PPP1R12B: variants seen among roughly 807,000 people sequenced by gnomAD.
PPP1R12B encodes protein phosphatase 1 regulatory subunit 12B.
In PPP1R12B, 76 loss-of-function variants were observed where a neutral mutation model predicts 126.1. That is an observed-to-expected ratio of 0.60 (90% CI 0.50 to 0.73). The LOEUF is 0.73. Among genes scored for constraint, PPP1R12B ranks in the 30% least tolerant of loss-of-function variants. PPP1R12B has a pLI of 0.00. For synonymous variants in PPP1R12B, 356 were observed against 434.7 expected, an observed-to-expected ratio of 0.82 and a Z score of 2.25; for missense variants, 1,052 against 1,205.1, an observed-to-expected ratio of 0.87 and a Z score of 1.88.
rs1397526034 is a variant in PPP1R12B at position 202,458,358 on chromosome 1, T to C, written c.1850+9187T>C. On this transcript the variant is annotated intron_variant, in intron 13 of 23. Coordinates refer to ENST00000608999, the MANE Select transcript of PPP1R12B (RefSeq NM_002481.4). ...TGGGGAGAGTGGGACGTGGGAGTGG[T>C]TAGGGAATTTGCAGCATTTTCCAAA... Among the ~76,000 whole-genome samples the C allele has an allele frequency of 1.8e-5, 2 of 108,422 alleles. 1 individual carries two copies. Among genetic ancestry groups the C allele is most frequent in the East Asian group, 9.1e-4 (2 of 2,208 alleles). The allele number at this position is 108,422 out of a possible 152,430, so 71.1% of individuals were successfully genotyped here. A position where few individuals can be genotyped will look rare whatever the true frequency, so the allele number is the denominator to read the frequency against.
At chr1:202,394,834 C>A (rs1368270073) in intron 1 of PPP1R12B, among the ~76,000 whole-genome samples, 6 of 151,732 alleles carry the variant, frequency 4.0e-5, no homozygotes, top group African/African-American at 1.5e-4. Context: ...AAAAGAAAAT[C>A]AATTTGGGCT....
rs373073877 is a variant in PPP1R12B, at chr1:202,427,002, A to G, written c.702-38A>G. 108 of 1,598,860 alleles carry G rather than the reference A, an allele frequency of 6.8e-5. No individual in the cohort carries two copies. In the African/African-American group the frequency reaches 1.3e-3, roughly 19 times the overall value. On this transcript the variant is annotated intron_variant, in intron 4 of 23. Coordinates refer to ENST00000608999, the MANE Select transcript of PPP1R12B (RefSeq NM_002481.4). Reference sequence around the variant, plus strand: ...TGTATTTGCCAGAAAATTGTAATATACAGAAGATATATGTCTTGTTTTGGG... The same window carrying G: ...TGTATTTGCCAGAAAATTGTAATATGCAGAAGATATATGTCTTGTTTTGGG...
At chr1:202,570,466 CAT>C (rs1175122886) in intron 23 of PPP1R12B, among the ~76,000 whole-genome samples, 2 of 152,176 alleles carry the variant, frequency 1.3e-5, no homozygotes, top group Admixed American at 1.3e-4. Flanking sequence ...GTAACATTCA[CAT>C]AGAATTTTAA....
chr1:202,416,959 G>C, intron 2 of PPP1R12B, 42 bp downstream of exon 2: 1 of 1,572,962 alleles, frequency 6.4e-7, no homozygotes, highest in Non-Finnish European at 8.7e-7. Flanking sequence ...GTATTTGTAG[G>C]AATAGCCTTC....
In PPP1R12B at chr1:202,500,244, TCA is replaced by T. The variant is rs1411280520; in HGVS notation, c.2490+3424_2490+3425del. The stretch of plus-strand genomic sequence containing the variant: ...CTCTCTCTCTCTCTCTCTCTCTCTC[TCA>T]CTCTCACTGTCTCTCTGTCTTTCAA... On this transcript the variant is annotated intron_variant, in intron 18 of 23. Transcript: ENST00000608999. Among the ~76,000 whole-genome samples, 3 of 149,156 alleles carry T rather than the reference TCA, an allele frequency of 2.0e-5. No homozygotes were observed. The East Asian group carries it at 5.9e-4, about 29-fold the overall frequency.
intron 1 of PPP1R12B, among the ~76,000 whole-genome samples, chr1:202,387,548 G>T: frequency 6.6e-6 from 1 of 152,072 alleles, no homozygotes; most frequent in Non-Finnish European, 1.5e-5. Flanking sequence ...TAGCTATTTG[G>T]CTACTCCTTA....
chr1:202,440,898 A>G (rs1671518142), intron 11 of PPP1R12B, 110 bp downstream of exon 11: 3 of 824,386 alleles, frequency 3.6e-6, no homozygotes, highest in Non-Finnish European at 4.0e-6. Context: ...TCCTTACCAC[A>G]TTATGAATTG....
At chr1:202,446,256 A>T (rs2362281) in intron 12 of PPP1R12B, among the ~76,000 whole-genome samples, 12,352 of 54,942 alleles carry the variant, frequency 0.22, 1,896 homozygotes, top group African/African-American at 0.42. Context: ...ATATATATAT[A>T]TTTTTTTTTT....
At position 202,405,795 on chromosome 1, in the gene PPP1R12B, T is replaced by G. The variant is rs576560643; in HGVS notation, c.292-10992T>G. ...TGCTTAGGGTTATATAACTGCTTTC[T>G]CTCGTGTCTTCTACCATGTAGTACT... On this transcript the variant is annotated intron_variant, in intron 1 of 23. Transcript: ENST00000608999. Among the ~76,000 whole-genome samples, 3 of 152,224 alleles carry G rather than the reference T, an allele frequency of 2.0e-5. No individual in the cohort carries two copies. In the East Asian group the frequency reaches 5.8e-4, roughly 29 times the overall value.
chr1:202,521,334 C>A (rs1446394753), intron 18 of PPP1R12B, among the ~76,000 whole-genome samples: 2 of 151,932 alleles, frequency 1.3e-5, no homozygotes, highest in Admixed American at 1.3e-4. Flanking sequence ...TACAAAGAAC[C>A]CAGTAAAACC....
intron 1 of PPP1R12B, among the ~76,000 whole-genome samples, chr1:202,400,663 C>A (rs1386393297): frequency 6.6e-6 from 1 of 152,162 alleles, no homozygotes; most frequent in Non-Finnish European, 1.5e-5. Context: ...TAGCTAACAG[C>A]AATATGCATG....
chr1:202,535,057 G>A (rs1464528882), intron 18 of PPP1R12B, among the ~76,000 whole-genome samples: 14 of 144,800 alleles, frequency 9.7e-5, no homozygotes, highest in African/African-American at 3.6e-4. Flanking sequence ...GTGTGTGTAT[G>A]TGTGTGTGTG....
intron 1 of PPP1R12B, among the ~76,000 whole-genome samples, chr1:202,405,380 TTACA>T (rs1666460003): frequency 1.3e-5 from 2 of 152,212 alleles, no homozygotes; most frequent in Non-Finnish European, 2.9e-5. Context: ...GTACAGGAAC[TTACA>T]TAGAGCTTAT....
At chr1:202,556,276 T>TC (rs1194908539) in intron 18 of PPP1R12B, among the ~76,000 whole-genome samples, 3 of 152,180 alleles carry the variant, frequency 2.0e-5, no homozygotes, top group African/African-American at 7.2e-5. Context: ...CACAGTTAAT[T>TC]CTTACTGTTA....
At chr1:202,544,229 G>A (rs1263464141) in intron 18 of PPP1R12B, among the ~76,000 whole-genome samples, 9 of 152,022 alleles carry the variant, frequency 5.9e-5, no homozygotes, top group Non-Finnish European at 1.3e-4. Context: ...TTTCTTCTGA[G>A]TCTTCGTAGT....
chr1:202,406,853 A>G (rs188099940), intron 1 of PPP1R12B, among the ~76,000 whole-genome samples: 38 of 152,342 alleles, frequency 2.5e-4, no homozygotes, highest in South Asian at 8.3e-4. Flanking sequence ...CTTATATTCA[A>G]GTGTCAGAGT....
At chr1:202,505,935 A>G (rs1558311815) in intron 18 of PPP1R12B, among the ~76,000 whole-genome samples, 1 of 152,136 alleles carries the variant, frequency 6.6e-6, no homozygotes, top group Non-Finnish European at 1.5e-5. Flanking sequence ...ATAACATGAT[A>G]ATGTTCATAA....
chr1:202,390,570 C>T (rs1470775145), intron 1 of PPP1R12B, among the ~76,000 whole-genome samples: 2 of 152,124 alleles, frequency 1.3e-5, no homozygotes, highest in Non-Finnish European at 2.9e-5. Flanking sequence ...GCGATCATGG[C>T]CCACTGTAAC....
At chr1:202,394,033 A>G (rs557712229) in intron 1 of PPP1R12B, among the ~76,000 whole-genome samples, 4 of 152,356 alleles carry the variant, frequency 2.6e-5, no homozygotes, top group African/African-American at 9.6e-5. Context: ...GTCCCCATTT[A>G]CGCTTTTAAA....
Sources: allele counts gnomAD v4.1 joint callset (sites outside exome capture counted in the v4.1 genomes callset), GRCh38; gene constraint gnomAD v4.1.1; transcripts MANE v1.5; gene names NCBI Gene and HGNC (gene_info 2026-07-23, HGNC 2026-07-21).